ELMOD2: variants seen among roughly 807,000 people sequenced by gnomAD.
ELMOD2 encodes the protein ELMO domain-containing protein 2.
In ELMOD2, 28 loss-of-function variants were observed where a neutral mutation model predicts 41.0. The observed-to-expected ratio is 0.68, with a 90% CI of 0.51 to 0.94. The LOEUF (loss-of-function observed/expected upper bound fraction) is 0.94. ELMOD2 is among the 40% of genes least tolerant of loss of function. The pLI, the probability that ELMOD2 is intolerant of heterozygous loss-of-function variation, is 0.00. For missense variants in ELMOD2, 333 were observed against 343.1 expected, an observed-to-expected ratio of 0.97 and a Z score of 0.23; for synonymous variants, 106 against 107.2, an observed-to-expected ratio of 0.99 and a Z score of 0.07.
Position 140,552,390 on chromosome 4 carries a change from A to G in ELMOD2, c.*2015A>G, listed in dbSNP as rs1210751031. 6.6e-6 allele frequency: 1 copy of G among 152,052 alleles called. No homozygotes were observed. The highest frequency in any genetic ancestry group is 1.9e-4 in the East Asian group (1 of 5,192). 9.4% of individuals were successfully genotyped at this position (152,052 alleles called of 1,614,324 possible). A position where few individuals can be genotyped will look rare whatever the true frequency, so the allele number is the denominator to read the frequency against. ...CCACCTCCATTTGTACATTATAGGTATCATTCTGTTTTTGCTTAAAATAAT... is the reference window on the plus strand; with the variant it reads ...CCACCTCCATTTGTACATTATAGGTGTCATTCTGTTTTTGCTTAAAATAAT... On this transcript the variant is annotated 3_prime_UTR_variant, in exon 9 of 9. Transcript: ENST00000323570.
chr4:140,539,188 A>G (rs576135693), intron 5 of ELMOD2, among the ~76,000 whole-genome samples: 1 of 152,220 alleles, frequency 6.6e-6, no homozygotes, highest in African/African-American at 2.4e-5. Context: ...AATGGTAATG[A>G]AATGGGAAAA....
At chr4:140,546,797 G>A (rs981916064) in intron 8 of ELMOD2, among the ~76,000 whole-genome samples, 3 of 151,952 alleles carry the variant, frequency 2.0e-5, no homozygotes, top group South Asian at 2.1e-4. Context: ...ACACCATCTC[G>A]GCTGGCTCCT....
In ELMOD2 at chr4:140,550,261, G is replaced by A. The variant is rs1735430550; in HGVS notation, c.768G>A (p.Trp256Ter). 3 of 1,610,458 alleles carry A rather than the reference G, an allele frequency of 1.9e-6. No individual in the cohort carries two copies. Among genetic ancestry groups the A allele is most frequent in the Non-Finnish European group, 2.5e-6 (3 of 1,178,390 alleles). ...CYLVYEFDKF[W>*]FEEEPESIMY... The stretch of plus-strand genomic sequence containing the variant: ...TTGTCTATGAATTTGACAAGTTTTG[G>A]TTTGAAGAAGAACCAGAAAGCATTA... Residue 256 changes from tryptophan (W) to a stop codon, truncating the protein, a stop_gained, in exon 9 of 9, where the codon TGG becomes TGA. Coordinates refer to ENST00000323570, the MANE Select transcript of ELMOD2 (RefSeq NM_153702.4). LOFTEE classifies it high-confidence loss of function.
rs553083757 is a variant in ELMOD2 at position 140,542,397 on chromosome 4, C to T, written c.534-177C>T. On this transcript the variant is annotated intron_variant, in intron 6 of 8. Coordinates refer to ENST00000323570, the MANE Select transcript of ELMOD2 (RefSeq NM_153702.4). ...ATTCTGTACTACATAGGCCTGATAG[C>T]TTGGGAAATTTTGATTCAGAAGCAT... 7.8e-6 allele frequency: 4 copies of T among 510,942 alleles called. No homozygotes were observed. The South Asian group carries it at 1.3e-4, about 17-fold the overall frequency. 31.7% of individuals were successfully genotyped at this position (510,942 alleles called of 1,614,324 possible).
chr4:140,538,759 T>C (rs1735010922), intron 5 of ELMOD2, among the ~76,000 whole-genome samples: 1 of 152,236 alleles, frequency 6.6e-6, no homozygotes, highest in Non-Finnish European at 1.5e-5. Flanking sequence ...ATGTAATCTG[T>C]CTTGCTTTAA....
At chr4:140,528,161 GT>G (rs1284450207) in intron 3 of ELMOD2, among the ~76,000 whole-genome samples, 2 of 152,158 alleles carry the variant, frequency 1.3e-5, no homozygotes, top group Non-Finnish European at 2.9e-5. Flanking sequence ...TTAGCAACCT[GT>G]TAGTTAAAAC....
intron 8 of ELMOD2, among the ~76,000 whole-genome samples, chr4:140,544,192 A>G (rs1484487673): frequency 1.3e-5 from 2 of 152,176 alleles, no homozygotes; most frequent in African/African-American, 4.8e-5. Context: ...TTCACACAGT[A>G]CTTTTCTTGA....
chr4:140,535,912 T>C lies in ELMOD2; in HGVS notation c.269+82T>C, dbSNP rs1734908967. 3.9e-6 allele frequency: 5 copies of C among 1,269,872 alleles called. No homozygotes were observed. In the South Asian group the frequency reaches 7.2e-5, roughly 18 times the overall value. The allele number at this position is 1,269,872 out of a possible 1,614,324, so 78.7% of individuals were successfully genotyped here. A position where few individuals can be genotyped will look rare whatever the true frequency, so the allele number is the denominator to read the frequency against. On this transcript the variant is annotated intron_variant, in intron 4 of 8. Coordinates refer to ENST00000323570, the MANE Select transcript of ELMOD2 (RefSeq NM_153702.4). ...AATATCACACACTGTTGTAACACTT[T>C]AGAGCTGAAGGGTTTGTGGAGATCA... is the stretch of plus-strand genomic sequence containing the variant.
At chr4:140,532,161 G>C (rs983712525) in intron 3 of ELMOD2, among the ~76,000 whole-genome samples, 2 of 147,152 alleles carry the variant, frequency 1.4e-5, no homozygotes, top group Non-Finnish European at 3.0e-5. Context: ...ATGTCATGTT[G>C]AGTTGTTTTT....
At position 140,537,423 on chromosome 4, in the gene ELMOD2, G is replaced by C. The variant is rs377541996; in HGVS notation, c.281G>C (p.Cys94Ser). The change falls in exon 5 of 9, where the codon TGC (cysteine) becomes TCC (serine). Residue 94 changes from cysteine (C) to serine (S), a missense_variant. Cys to Ser is a moderately radical substitution (Grantham distance 112). Transcript: ENST00000323570. ...NPEKDASFKI[C>S]MKMCLLQITG... ...TTTATCATTTTTAGTTTTAAAATAT[G>C]CATGAAGATGTGCTTACTGCAGATA... 3 of 1,525,914 alleles carry C rather than the reference G, an allele frequency of 2.0e-6. No individual in the cohort carries two copies. In the Admixed American group the frequency reaches 7.1e-5, roughly 36 times the overall value. The allele number at this position is 1,525,914 out of a possible 1,614,324, so 94.5% of individuals were successfully genotyped here.
At position 140,543,579 on chromosome 4, in the gene ELMOD2, G is replaced by A. The variant is rs1331032824; in HGVS notation, c.729G>A (p.Gln243=). 6.3e-7 allele frequency: 1 copy of A among 1,584,512 alleles called. No homozygotes were observed. Residue 243 remains glutamine, a synonymous_variant, in exon 8 of 9, where the codon CAG becomes CAA. Transcript: ENST00000323570. ...PGIPTMEHFH[Q]FYCYLVYEFD... is the part of the protein sequence containing the mutation. ...TACCAACAATGGAACACTTTCATCAGTTTTACTGTGAGTATTAAAATGAGT... is the reference window on the plus strand; with the variant it reads ...TACCAACAATGGAACACTTTCATCAATTTTACTGTGAGTATTAAAATGAGT...
chr4:140,540,432 G>A, intron 6 of ELMOD2, 131 bp downstream of exon 6: 1 of 1,232,316 alleles, frequency 8.1e-7, no homozygotes, highest in Non-Finnish European at 1.1e-6. Flanking sequence ...AGTGCTGGAA[G>A]TATTTGCTAA....
At chr4:140,532,370 T>C (rs1734779668) in intron 3 of ELMOD2, among the ~76,000 whole-genome samples, 1 of 152,094 alleles carries the variant, frequency 6.6e-6, no homozygotes, top group African/African-American at 2.4e-5. Flanking sequence ...TTTTACCATG[T>C]TTCCCAGGCT....
intron 8 of ELMOD2, among the ~76,000 whole-genome samples, chr4:140,548,230 T>C (rs1465576263): frequency 6.6e-6 from 1 of 152,112 alleles, no homozygotes; most frequent in Non-Finnish European, 1.5e-5. Context: ...TAACCAGATA[T>C]ACTGAAACAA....
intron 3 of ELMOD2, among the ~76,000 whole-genome samples, chr4:140,529,722 A>C (rs1734684850): frequency 6.6e-6 from 1 of 152,202 alleles, no homozygotes; most frequent in Admixed American, 6.5e-5. Flanking sequence ...TCTCCCGCTT[A>C]AAAGCTTAGC....
Position 140,527,505 on chromosome 4 carries a change from A to G in ELMOD2, c.171+11A>G, listed in dbSNP as rs367975980. ...TACTCCAAGAATAAGGTAGGATAAC[A>G]TAAAGGTGGTAACTCTAGAAAACTT... On this transcript the variant is annotated intron_variant, in intron 3 of 8. Coordinates refer to ENST00000323570, the MANE Select transcript of ELMOD2 (RefSeq NM_153702.4). 4.2e-5 allele frequency: 66 copies of G among 1,572,530 alleles called. No individual in the cohort carries two copies. The African/African-American group carries it at 8.1e-4, about 19-fold the overall frequency.
intron 8 of ELMOD2, among the ~76,000 whole-genome samples, chr4:140,548,218 A>C (rs1021692275): frequency 2.0e-5 from 3 of 152,168 alleles, no homozygotes; most frequent in South Asian, 4.1e-4. Flanking sequence ...TCTAAAACAT[A>C]ATAACCAGAT....
intron 3 of ELMOD2, among the ~76,000 whole-genome samples, chr4:140,535,026 T>C (rs1176592781): frequency 1.3e-5 from 2 of 152,170 alleles, no homozygotes; most frequent in Non-Finnish European, 2.9e-5. Flanking sequence ...TATCTCAGGA[T>C]TGGACAAGCT....
Position 140,531,184 on chromosome 4 carries a change from G to A in ELMOD2, c.171+3690G>A, listed in dbSNP as rs576462020. ...TTACCAATGATTGCTGTGAATAAAA[G>A]TGATTTTAATCTATTCAGAGTGATT... is the stretch of plus-strand genomic sequence containing the variant. On this transcript the variant is annotated intron_variant, in intron 3 of 8. Coordinates refer to ENST00000323570, the MANE Select transcript of ELMOD2 (RefSeq NM_153702.4). Among the ~76,000 whole-genome samples, 4 of 152,264 alleles carry A rather than the reference G, an allele frequency of 2.6e-5. No individual in the cohort carries two copies. The South Asian group carries it at 8.3e-4, about 32-fold the overall frequency.
Sources: allele counts gnomAD v4.1 joint callset (sites outside exome capture counted in the v4.1 genomes callset), GRCh38; gene constraint gnomAD v4.1.1; transcripts MANE v1.5; gene names NCBI Gene and HGNC (gene_info 2026-07-23, HGNC 2026-07-21).